The following LRBA variants were observed in gnomAD, a reference collection of about 807,000 sequenced individuals.
The protein encoded by LRBA is lipopolysaccharide-responsive and beige-like anchor protein.
In LRBA, 176 loss-of-function variants were observed where a neutral mutation model predicts 330.0. The observed-to-expected ratio is 0.53, with a 90% CI of 0.47 to 0.60. The LOEUF (loss-of-function observed/expected upper bound fraction) is 0.60. Ranked by LOEUF, LRBA falls within the 20% of genes least tolerant of loss-of-function variation. The pLI, the probability that LRBA is intolerant of heterozygous loss-of-function variation, is 0.00. For synonymous variants in LRBA, 1,230 were observed against 1,193.0 expected (o/e 1.03, Z -0.64); for missense variants, 3,259 against 3,444.8 (o/e 0.95, Z 1.35).
intron 29 of LRBA, among the ~76,000 whole-genome samples, chr4:150,830,411 A>C (rs1209175929): frequency 2.6e-5 from 4 of 152,198 alleles, no homozygotes; most frequent in African/African-American, 9.6e-5. Flanking sequence ...GGAAACCAGG[A>C]ACTCAGTTGA....
intron 44 of LRBA, among the ~76,000 whole-genome samples, chr4:150,449,891 G>A (rs894230960): frequency 2.0e-5 from 3 of 151,990 alleles, no homozygotes; most frequent in South Asian, 4.1e-4. Flanking sequence ...AAAGTACAAA[G>A]AACTGATGTG....
At chr4:150,650,892 G>T (rs1450765615) in intron 37 of LRBA, among the ~76,000 whole-genome samples, 2 of 152,014 alleles carry the variant, frequency 1.3e-5, no homozygotes, top group Non-Finnish European at 2.9e-5. Flanking sequence ...CTAAAGAGGA[G>T]AAACCATCAT....
intron 47 of LRBA, among the ~76,000 whole-genome samples, chr4:150,384,158 T>G (rs1561099025): frequency 6.6e-6 from 1 of 151,824 alleles, no homozygotes. Context: ...CCTGCCTCAG[T>G]CTTCCGAGTA....
intron 40 of LRBA, among the ~76,000 whole-genome samples, chr4:150,510,097 G>A (rs764649106): frequency 2.3e-4 from 35 of 152,038 alleles, no homozygotes; most frequent in Non-Finnish European, 4.3e-4. Context: ...CCGAGATCAC[G>A]CCACTGCCCT....
intron 50 of LRBA, among the ~76,000 whole-genome samples, chr4:150,315,925 C>T (rs1731662035): frequency 6.6e-6 from 1 of 152,104 alleles, no homozygotes; most frequent in Non-Finnish European, 1.5e-5. Flanking sequence ...AGTGGTAAAG[C>T]GCACTGAAAA....
intron 37 of LRBA, among the ~76,000 whole-genome samples, chr4:150,621,090 C>T (rs375274161): frequency 1.5e-3 from 90 of 60,148 alleles, no homozygotes; most frequent in Admixed American, 2.6e-3. Flanking sequence ...TTCCCTTCTT[C>T]GGAAAAAAAA....
intron 35 of LRBA, among the ~76,000 whole-genome samples, chr4:150,761,014 T>A (rs1735006232): frequency 6.6e-6 from 1 of 152,074 alleles, no homozygotes; most frequent in South Asian, 2.1e-4. Context: ...TCCAACAACA[T>A]TACCTAAAAC....
At chr4:150,672,239 C>T (rs1343662966) in intron 37 of LRBA, among the ~76,000 whole-genome samples, 1 of 152,048 alleles carries the variant, frequency 6.6e-6, no homozygotes, top group East Asian at 1.9e-4. Flanking sequence ...GGCGTCAGTA[C>T]TTTTTTTAAT....
intron 36 of LRBA, among the ~76,000 whole-genome samples, chr4:150,697,491 G>A (rs1784754472): frequency 6.6e-6 from 1 of 151,828 alleles, no homozygotes; most frequent in Non-Finnish European, 1.5e-5. Context: ...TTTAAGCAAA[G>A]ATAGGAATAA....
At chr4:150,953,976 C>T (rs1456392426) in intron 2 of LRBA, among the ~76,000 whole-genome samples, 1 of 145,618 alleles carries the variant, frequency 6.9e-6, no homozygotes, top group African/African-American at 2.5e-5. Context: ...GCCCCGCCAC[C>T]CCGTCTGGGA....
chr4:150,389,284 G>C (rs190951317), intron 47 of LRBA, among the ~76,000 whole-genome samples: 2 of 151,944 alleles, frequency 1.3e-5, no homozygotes, highest in Non-Finnish European at 2.9e-5. Context: ...AGCCCAGGAG[G>C]TTGGGGATGC....
At chr4:150,875,528 A>C (rs553603089) in intron 17 of LRBA, among the ~76,000 whole-genome samples, 28 of 152,324 alleles carry the variant, frequency 1.8e-4, no homozygotes, top group Admixed American at 9.8e-4. Context: ...CACATTGGCC[A>C]AAGCCCACTC....
intron 37 of LRBA, among the ~76,000 whole-genome samples, chr4:150,641,570 T>C (rs1388770383): frequency 6.6e-6 from 1 of 152,134 alleles, no homozygotes; most frequent in Non-Finnish European, 1.5e-5. Flanking sequence ...CAAATAAGGT[T>C]TCATTTGCCT....
intron 40 of LRBA, among the ~76,000 whole-genome samples, chr4:150,501,446 G>C (rs980368009): frequency 1.3e-5 from 2 of 152,024 alleles, no homozygotes; most frequent in African/African-American, 4.8e-5. Flanking sequence ...CCCCGTCTCT[G>C]CTAAAAAATG....
At chr4:150,788,683 C>A (rs142050372) in intron 34 of LRBA, among the ~76,000 whole-genome samples, 1 of 151,392 alleles carries the variant, frequency 6.6e-6, no homozygotes, top group Admixed American at 6.6e-5. Context: ...ATCACTTGAA[C>A]CTGGGAGGCA....
At chr4:150,752,609 T>C (rs943397782) in intron 35 of LRBA, among the ~76,000 whole-genome samples, 2 of 152,118 alleles carry the variant, frequency 1.3e-5, no homozygotes, top group African/African-American at 4.8e-5. Context: ...GACCACAAGG[T>C]ATCCATATGC....
intron 36 of LRBA, among the ~76,000 whole-genome samples, chr4:150,685,849 A>T (rs1206913015): frequency 6.6e-6 from 1 of 152,154 alleles, no homozygotes. Flanking sequence ...AAACCTTTAA[A>T]GCAAAGGCAA....
At chr4:150,685,871 G>A (rs6836017) in intron 36 of LRBA, among the ~76,000 whole-genome samples, 132,963 of 152,076 alleles carry the variant, frequency 0.87, 58,520 homozygotes, top group Non-Finnish European at 0.94. Flanking sequence ...GCAGAAAAAC[G>A]TTAATCAATT....
In LRBA at chr4:150,486,785, C is replaced by T. The variant is rs113629883; in HGVS notation, c.6551+947G>A. 8.7e-3 allele frequency among the ~76,000 whole-genome samples: 1,315 copies of T among 151,790 alleles called. 18 individuals are homozygous for T. Among genetic ancestry groups the T allele is most frequent in the African/African-American group, 0.03 (1,253 of 41,476 alleles). On this transcript the variant is annotated intron_variant, in intron 42 of 56. Coordinates refer to ENST00000651943, the MANE Select transcript of LRBA (RefSeq NM_001364905.1). ...TTTTGTATCCTTTGACCAACATCTC[C>T]CCAGTCACCCCACCCCTAACCTCTA...
Sources: gnomAD v4.1 joint callset for allele counts (sites outside exome capture counted in the v4.1 genomes callset) on GRCh38, gnomAD v4.1.1 for gene constraint, MANE v1.5 for transcripts, NCBI Gene and HGNC (gene_info 2026-07-23, HGNC 2026-07-21) for gene names.